PAFAH1B1: variants seen among roughly 807,000 people sequenced by gnomAD.
PAFAH1B1 encodes the protein platelet-activating factor acetylhydrolase IB subunit beta.
Under a neutral mutation model 57.5 loss-of-function variants are expected in PAFAH1B1, and 2 were observed. The observed-to-expected ratio is 0.03, with a 90% CI of 0.01 to 0.11. The LOEUF is 0.11. PAFAH1B1 is among the 10% of genes least tolerant of loss of function. PAFAH1B1 has a pLI of 1.00. For missense variants in PAFAH1B1, 257 were observed against 512.0 expected, an observed-to-expected ratio of 0.50 and a Z score of 4.81; for synonymous variants, 152 against 169.6, an observed-to-expected ratio of 0.90 and a Z score of 0.81.
chr17:2,596,303 G>T (rs1327342086), intron 1 of PAFAH1B1, among the ~76,000 whole-genome samples: 4 of 152,088 alleles, frequency 2.6e-5, no homozygotes, highest in Non-Finnish European at 5.9e-5. Context: ...GAAATAGGGG[G>T]TACAGGAATA....
At chr17:2,648,677 CAAA>C (rs56187260) in intron 2 of PAFAH1B1, among the ~76,000 whole-genome samples, 4 of 86,994 alleles carry the variant, frequency 4.6e-5, no homozygotes, top group Admixed American at 1.3e-4. Context: ...GACTCTGTCT[CAAA>C]AAAAAAAAAA....
chr17:2,652,237 CGT>C (rs1491397547), intron 2 of PAFAH1B1, among the ~76,000 whole-genome samples: 1 of 151,500 alleles, frequency 6.6e-6, no homozygotes, highest in Non-Finnish European at 1.5e-5. Context: ...GGTGAAACCC[CGT>C]CTCTACTAAA....
At chr17:2,674,920 A>G (rs1040534193) in intron 8 of PAFAH1B1, among the ~76,000 whole-genome samples, 2 of 152,232 alleles carry the variant, frequency 1.3e-5, no homozygotes, top group African/African-American at 2.4e-5. Flanking sequence ...CAAGAGGATC[A>G]CTTGTGTCCA....
chr17:2,637,534 T>A (rs2068640483), intron 1 of PAFAH1B1, among the ~76,000 whole-genome samples: 2 of 152,126 alleles, frequency 1.3e-5, no homozygotes, highest in African/African-American at 4.8e-5. Context: ...CAATAAGCTG[T>A]GATCATGCCA....
upstream of PAFAH1B1, chr17:2,593,614 C>A: frequency 4.5e-6 from 1 of 220,726 alleles, no homozygotes; most frequent in Admixed American, 5.7e-5. Context: ...GCGGCGGCGG[C>A]GGCGCGGTGA....
chr17:2,666,305 T>C (rs2069106249), intron 4 of PAFAH1B1, among the ~76,000 whole-genome samples: 1 of 152,228 alleles, frequency 6.6e-6, no homozygotes, highest in African/African-American at 2.4e-5. Flanking sequence ...TCAATCTGCA[T>C]AGTCCTGACT....
chr17:2,621,665 G>A lies in PAFAH1B1; in HGVS notation c.-190-16434G>A, dbSNP rs149825314. Among the ~76,000 whole-genome samples, 195 of 111,714 alleles carry A rather than the reference G, an allele frequency of 1.7e-3. 5 individuals are homozygous for A. The East Asian group carries it at 0.05, about 29-fold the overall frequency. 73.3% of individuals were successfully genotyped at this position (111,714 alleles called of 152,430 possible). A position where few individuals can be genotyped will look rare whatever the true frequency, so the allele number is the denominator to read the frequency against. On this transcript the variant is annotated intron_variant, in intron 1 of 10. Transcript: ENST00000397195. ...TTTTGAGACAGGGTCACCCTCTGTT[G>A]CCCAGGCTGGAGTGCAGTGGCGTCA...
At position 2,683,552 on chromosome 17, in the gene PAFAH1B1, TTG is replaced by T. The variant is rs1278853943; in HGVS notation, c.*1754_*1755del. 6.6e-6 allele frequency: 1 copy of T among 152,254 alleles called. No homozygotes were observed. Among genetic ancestry groups the T allele is most frequent in the Non-Finnish European group, 1.5e-5 (1 of 68,042 alleles). 9.4% of individuals were successfully genotyped at this position (152,254 alleles called of 1,614,324 possible). A position where few individuals can be genotyped will look rare whatever the true frequency, so the allele number is the denominator to read the frequency against. ...AACTAGAAGCAGCTTTATGTCTAGC[TTG>T]TGTCTTTTTGTTTGTTTGCTTGTTT... On this transcript the variant is annotated 3_prime_UTR_variant, in exon 11 of 11. Coordinates refer to ENST00000397195, the MANE Select transcript of PAFAH1B1 (RefSeq NM_000430.4).
chr17:2,655,046 C>T (rs891017662), intron 2 of PAFAH1B1, among the ~76,000 whole-genome samples: 7 of 151,168 alleles, frequency 4.6e-5, no homozygotes, highest in Non-Finnish European at 8.8e-5. Context: ...ACAATCCTCC[C>T]GCATTGGCCT....
chr17:2,681,803 TTG>T lies in PAFAH1B1; in HGVS notation c.*5_*6del. 6 of 1,609,786 alleles carry T rather than the reference TTG, an allele frequency of 3.7e-6. No individual in the cohort carries two copies. The highest frequency in any genetic ancestry group is 5.1e-6 in the Non-Finnish European group (6 of 1,177,856). On this transcript the variant is annotated 3_prime_UTR_variant, in exon 11 of 11. Transcript: ENST00000397195. ...AGTAAAAGTGTGGGAGTGCCGTTGA[TTG>T]TGTCTCCTTCGGCCCCTCCTCCCTC...
chr17:2,594,675 GCATCCACCCACCGAA>G (rs1036275095), intron 1 of PAFAH1B1, among the ~76,000 whole-genome samples: 4 of 152,230 alleles, frequency 2.6e-5, no homozygotes, highest in African/African-American at 7.2e-5. Flanking sequence ...GCAATCCGCA[GCATCCACCCACCGAA>G]TCTGGCAGGA....
chr17:2,611,770 CTAAT>C (rs2068269873), intron 1 of PAFAH1B1, among the ~76,000 whole-genome samples: 1 of 152,182 alleles, frequency 6.6e-6, no homozygotes, highest in Non-Finnish European at 1.5e-5. Context: ...TTTAGAAACA[CTAAT>C]TACCATGAGT....
chr17:2,607,897 T>C (rs1373727016), intron 1 of PAFAH1B1, among the ~76,000 whole-genome samples: 1 of 152,214 alleles, frequency 6.6e-6, no homozygotes, highest in Non-Finnish European at 1.5e-5. Context: ...ATGCATTTAC[T>C]ATATTTGGGT....
intron 1 of PAFAH1B1, among the ~76,000 whole-genome samples, chr17:2,596,933 C>T (rs1186483456): frequency 2.6e-5 from 4 of 152,086 alleles, no homozygotes; most frequent in African/African-American, 7.2e-5. Context: ...TTGTGCCATG[C>T]GCCTGTAATC....
At chr17:2,640,809 A>T (rs1290860531) in intron 2 of PAFAH1B1, 1 of 152,110 alleles carries the variant, frequency 6.6e-6, no homozygotes, top group African/African-American at 2.4e-5. Flanking sequence ...TATTCTTCTT[A>T]AGAGAGTTGG....
chr17:2,629,025 C>T (rs1179458571), intron 1 of PAFAH1B1, among the ~76,000 whole-genome samples: 1 of 152,094 alleles, frequency 6.6e-6, no homozygotes, highest in Non-Finnish European at 1.5e-5. Flanking sequence ...TTTGTTTTAT[C>T]TTTTCAAAGA....
intron 1 of PAFAH1B1, among the ~76,000 whole-genome samples, chr17:2,595,092 C>T (rs916673428): frequency 6.6e-6 from 1 of 152,148 alleles, no homozygotes; most frequent in African/African-American, 2.4e-5. Flanking sequence ...GAAAATACGC[C>T]TTTGAAGAGG....
At position 2,664,665 on chromosome 17, in the gene PAFAH1B1, G is replaced by GCGCGCGCTCTCTCTCTCTCTCTCT; in HGVS notation, c.33-706_33-705insGCGCGCTCTCTCTCTCTCTCTCTC. Among the ~76,000 whole-genome samples, 6 of 86,028 alleles carry GCGCGCGCTCTCTCTCTCTCTCTCT rather than the reference G, an allele frequency of 7.0e-5. 1 individual carries two copies. Among genetic ancestry groups the GCGCGCGCTCTCTCTCTCTCTCTCT allele is most frequent in the Non-Finnish European group, 7.9e-5 (3 of 37,968 alleles). 56.4% of individuals were successfully genotyped at this position (86,028 alleles called of 152,430 possible). Reference sequence around the variant, plus strand: ...TGATATATATCTATATCTATCTATCGCTCTCTCTCTCTCTCTCTCTCTCTC... The same window carrying GCGCGCGCTCTCTCTCTCTCTCTCT: ...TGATATATATCTATATCTATCTATCGCGCGCGCTCTCTCTCTCTCTCTCTCTCTCTCTCTCTCTCTCTCTCTCTC... On this transcript the variant is annotated intron_variant, in intron 2 of 10. Transcript: ENST00000397195.
chr17:2,653,212 T>C (rs1192256660), intron 2 of PAFAH1B1, among the ~76,000 whole-genome samples: 1 of 151,938 alleles, frequency 6.6e-6, no homozygotes, highest in Admixed American at 6.6e-5. Flanking sequence ...TAGGTGGGAA[T>C]TGAACAATGA....
Sources: allele counts gnomAD v4.1 joint callset (sites outside exome capture counted in the v4.1 genomes callset), GRCh38; gene constraint gnomAD v4.1.1; transcripts MANE v1.5; gene names NCBI Gene and HGNC (gene_info 2026-07-23, HGNC 2026-07-21).